Variants in TBC1D22A observed in about 807,000 individuals in gnomAD.
The protein encoded by TBC1D22A is putative GTPase activator.
In TBC1D22A, 38 loss-of-function variants were observed where a neutral mutation model predicts 60.2. That is an observed-to-expected ratio of 0.63 (90% confidence interval 0.49 to 0.83). TBC1D22A has a LOEUF of 0.83. Among genes scored for constraint, TBC1D22A ranks in the 40% least tolerant of loss-of-function variants. TBC1D22A has a pLI of 0.00. For synonymous variants in TBC1D22A, 302 were observed against 281.7 expected (o/e 1.07, Z -0.72); for missense variants, 628 against 701.0 (o/e 0.90, Z 1.18).
intron 8 of TBC1D22A, among the ~76,000 whole-genome samples, chr22:46,962,832 G>A (rs2073582644): frequency 6.6e-6 from 1 of 152,150 alleles, no homozygotes; most frequent in African/African-American, 2.4e-5. Flanking sequence ...TCCTGGCTGT[G>A]TTTTACATAA....
chr22:46,932,700 A>G (rs938708599), intron 8 of TBC1D22A, among the ~76,000 whole-genome samples: 6 of 141,412 alleles, frequency 4.2e-5, no homozygotes, highest in Non-Finnish European at 9.0e-5. Flanking sequence ...GGTTTAGTGC[A>G]GTGTGCGTTG....
At chr22:46,995,254 T>C (rs6009089) in intron 9 of TBC1D22A, among the ~76,000 whole-genome samples, 2 of 152,206 alleles carry the variant, frequency 1.3e-5, no homozygotes, top group African/African-American at 4.8e-5. Flanking sequence ...GGCGTCATTC[T>C]AAGTGAAGGT....
At chr22:46,857,757 C>T (rs1050502733) in intron 4 of TBC1D22A, among the ~76,000 whole-genome samples, 1 of 152,130 alleles carries the variant, frequency 6.6e-6, no homozygotes, top group African/African-American at 2.4e-5. Context: ...TTGAAACTGG[C>T]TCCCGTTCCC....
intron 11 of TBC1D22A, among the ~76,000 whole-genome samples, chr22:47,101,724 A>G (rs1313181063): frequency 1.3e-5 from 2 of 152,232 alleles, no homozygotes; most frequent in African/African-American, 2.4e-5. Flanking sequence ...GGGTCACAGG[A>G]CAGTGGGGGC....
chr22:46,903,048 C>G (rs994892486), intron 7 of TBC1D22A, among the ~76,000 whole-genome samples: 1 of 152,238 alleles, frequency 6.6e-6, no homozygotes, highest in African/African-American at 2.4e-5. Context: ...CCTCACGTCT[C>G]TGCTCTGTGA....
chr22:47,027,060 TAAGAA>T (rs2062280892), intron 10 of TBC1D22A, among the ~76,000 whole-genome samples: 1 of 152,192 alleles, frequency 6.6e-6, no homozygotes, highest in African/African-American at 2.4e-5. Context: ...GCCATTGAGA[TAAGAA>T]AAGAGATCAG....
At chr22:46,796,433 C>T (rs932657129) in intron 3 of TBC1D22A, among the ~76,000 whole-genome samples, 6 of 152,154 alleles carry the variant, frequency 3.9e-5, no homozygotes, top group Admixed American at 6.5e-5. Context: ...GATGTCGGCC[C>T]GTCAGCTGCA....
intron 12 of TBC1D22A, among the ~76,000 whole-genome samples, chr22:47,152,611 T>C (rs562169338): frequency 6.6e-6 from 1 of 152,346 alleles, no homozygotes; most frequent in South Asian, 2.1e-4. Flanking sequence ...AAAGCCACAC[T>C]TAGGGCCACT....
At chr22:47,001,133 C>T (rs1204803125) in intron 10 of TBC1D22A, among the ~76,000 whole-genome samples, 2 of 152,028 alleles carry the variant, frequency 1.3e-5, no homozygotes, top group African/African-American at 2.4e-5. Context: ...GCAAAGTGGA[C>T]GTGATACTCC....
At chr22:47,032,775 T>C (rs941235206) in intron 10 of TBC1D22A, among the ~76,000 whole-genome samples, 2 of 152,196 alleles carry the variant, frequency 1.3e-5, no homozygotes, top group Non-Finnish European at 2.9e-5. Flanking sequence ...CAGAGCTTCA[T>C]TCACGCCAGT....
chr22:47,109,298 T>A (rs1299139641), intron 11 of TBC1D22A, among the ~76,000 whole-genome samples: 1 of 152,188 alleles, frequency 6.6e-6, no homozygotes, highest in African/African-American at 2.4e-5. Context: ...ATGGGAGTTT[T>A]GAAGCATACC....
chr22:46,883,491 C>CAGG (rs1306335156), intron 5 of TBC1D22A, among the ~76,000 whole-genome samples: 1 of 152,192 alleles, frequency 6.6e-6, no homozygotes, highest in Non-Finnish European at 1.5e-5. Context: ...ATGGGAGTGT[C>CAGG]AGGAGCACGT....
intron 12 of TBC1D22A, among the ~76,000 whole-genome samples, chr22:47,146,740 C>T (rs190831230): frequency 6.6e-6 from 1 of 152,284 alleles, no homozygotes; most frequent in African/African-American, 2.4e-5. Context: ...GCTTTGCCTG[C>T]CGGGACACAG....
At chr22:46,936,638 T>C (rs1270495706) in intron 8 of TBC1D22A, among the ~76,000 whole-genome samples, 1 of 152,232 alleles carries the variant, frequency 6.6e-6, no homozygotes, top group Non-Finnish European at 1.5e-5. Context: ...GGACAAGGGC[T>C]GTCAGTTAAC....
At chr22:46,919,711 A>G (rs981589812) in intron 8 of TBC1D22A, among the ~76,000 whole-genome samples, 1 of 141,758 alleles carries the variant, frequency 7.1e-6, no homozygotes, top group African/African-American at 2.6e-5. Flanking sequence ...CCTGGTCAAC[A>G]CTTGTCATCA....
At chr22:47,133,609 G>A (rs1355504409) in intron 12 of TBC1D22A, among the ~76,000 whole-genome samples, 3 of 152,162 alleles carry the variant, frequency 2.0e-5, no homozygotes, top group Non-Finnish European at 4.4e-5. Context: ...TAGGACTGTC[G>A]TCTGTCCCCT....
intron 12 of TBC1D22A, among the ~76,000 whole-genome samples, chr22:47,133,657 C>G (rs1414695535): frequency 6.6e-6 from 1 of 152,096 alleles, no homozygotes; most frequent in African/African-American, 2.4e-5. Context: ...TGGGACTTAC[C>G]GGCGGCTCCT....
At chr22:46,924,052 C>T (rs1260725051) in intron 8 of TBC1D22A, among the ~76,000 whole-genome samples, 1 of 152,216 alleles carries the variant, frequency 6.6e-6, no homozygotes, top group Non-Finnish European at 1.5e-5. Context: ...ATTGTTCCAT[C>T]ACCTTGAATT....
intron 8 of TBC1D22A, among the ~76,000 whole-genome samples, chr22:46,969,784 C>T (rs963129737): frequency 2.0e-5 from 3 of 152,056 alleles, no homozygotes; most frequent in African/African-American, 7.2e-5. Context: ...CGGGGCTGCC[C>T]CTTGTAGGGA....
Sources: allele counts gnomAD v4.1 joint callset (sites outside exome capture counted in the v4.1 genomes callset), GRCh38; gene constraint gnomAD v4.1.1; transcripts MANE v1.5; gene names NCBI Gene and HGNC (gene_info 2026-07-23, HGNC 2026-07-21).